The following TMTC2 variants were observed in gnomAD, a reference collection of about 807,000 sequenced individuals.
The protein encoded by TMTC2 is protein O-mannosyl-transferase TMTC2.
TMTC2 carries 43 observed loss-of-function variants against 82.4 expected under a neutral mutation model. That is an observed-to-expected ratio of 0.52 (90% CI 0.41 to 0.67). TMTC2 has a LOEUF of 0.67. TMTC2 is among the 30% of genes least tolerant of loss of function. The pLI is 0.00. For synonymous variants in TMTC2, 408 were observed against 381.9 expected, an observed-to-expected ratio of 1.07 and a Z score of -0.80; for missense variants, 919 against 1,012.4, an observed-to-expected ratio of 0.91 and a Z score of 1.25.
At chr12:82,986,507 A>G (rs1274358487) in intron 8 of TMTC2, 2 of 155,702 alleles carry the variant, frequency 1.3e-5, no homozygotes, top group African/African-American at 4.8e-5. Context: ...TTACATAATG[A>G]ATTTGTTCTA....
At chr12:83,094,223 G>T (rs1883945416) in intron 11 of TMTC2, among the ~76,000 whole-genome samples, 1 of 152,242 alleles carries the variant, frequency 6.6e-6, no homozygotes, top group South Asian at 2.1e-4. Flanking sequence ...AGTTGAGAAG[G>T]TTGAAAAGGC....
chr12:82,729,741 T>G (rs1874669345), intron 1 of TMTC2, among the ~76,000 whole-genome samples: 2 of 152,220 alleles, frequency 1.3e-5, no homozygotes, highest in Admixed American at 1.3e-4. Context: ...AAGCTAGCAG[T>G]GGCAACCCGC....
intron 8 of TMTC2, among the ~76,000 whole-genome samples, chr12:82,992,245 T>C (rs1052650243): frequency 6.6e-6 from 1 of 152,204 alleles, no homozygotes; most frequent in Non-Finnish European, 1.5e-5. Flanking sequence ...TTTGCTATTA[T>C]TATTTAGAGC....
chr12:82,829,946 ATAT>A (rs1869659608), intron 1 of TMTC2, among the ~76,000 whole-genome samples: 1 of 152,168 alleles, frequency 6.6e-6, no homozygotes, highest in Non-Finnish European at 1.5e-5. Context: ...TGGAGGTTTG[ATAT>A]TATGGGAAAT....
In TMTC2 at chr12:83,067,099, G is replaced by A. The variant is rs1444361271; in HGVS notation, c.2331+5268G>A. Among the ~76,000 whole-genome samples the A allele has an allele frequency of 2.0e-5, 3 of 151,880 alleles. No individual in the cohort carries two copies. In the East Asian group the frequency reaches 5.8e-4, roughly 29 times the overall value. ...TACATTTTAAATTTCGAATAAGGAA[G>A]GCAGCCAAGACAGTGACAGGGCATA... On this transcript the variant is annotated intron_variant, in intron 11 of 11. Transcript: ENST00000321196.
chr12:82,868,890 C>T (rs1353759810), intron 2 of TMTC2, among the ~76,000 whole-genome samples: 10 of 151,942 alleles, frequency 6.6e-5, no homozygotes, highest in Middle Eastern at 3.2e-3. Context: ...CCTCCTGGAG[C>T]GACAACAGGA....
chr12:83,091,039 A>G (rs960383763), intron 11 of TMTC2, among the ~76,000 whole-genome samples: 44 of 152,196 alleles, frequency 2.9e-4, no homozygotes, highest in South Asian at 6.2e-4. Flanking sequence ...TGGTTTGTTA[A>G]TCACTGCAAC....
chr12:83,064,700 T>C (rs1882857073), intron 11 of TMTC2, among the ~76,000 whole-genome samples: 1 of 151,846 alleles, frequency 6.6e-6, no homozygotes, highest in East Asian at 1.9e-4. Context: ...TCAGACAAGA[T>C]AGTAATATAA....
At chr12:83,039,033 G>A (rs903023534) in intron 9 of TMTC2, among the ~76,000 whole-genome samples, 1 of 147,594 alleles carries the variant, frequency 6.8e-6, no homozygotes, top group Non-Finnish European at 1.5e-5. Context: ...CCGGGTTCAA[G>A]CGATTCTCCA....
chr12:82,837,454 A>C (rs746231204), intron 1 of TMTC2, among the ~76,000 whole-genome samples: 4 of 151,978 alleles, frequency 2.6e-5, no homozygotes, highest in Non-Finnish European at 4.4e-5. Flanking sequence ...AAAACAAAAC[A>C]AAAAAAAGGT....
intron 1 of TMTC2, among the ~76,000 whole-genome samples, chr12:82,844,952 G>A (rs942002244): frequency 6.6e-6 from 1 of 151,700 alleles, no homozygotes. Flanking sequence ...AAGGGGCCGG[G>A]TGCGGTGGCT....
chr12:83,026,060 TCTC>T (rs1270629616), intron 8 of TMTC2, among the ~76,000 whole-genome samples: 1 of 152,120 alleles, frequency 6.6e-6, no homozygotes, highest in Non-Finnish European at 1.5e-5. Flanking sequence ...CTCCATCCCT[TCTC>T]CTCTTCCCGG....
chr12:83,089,840 CAA>C (rs1381824863), intron 11 of TMTC2, among the ~76,000 whole-genome samples: 1 of 141,126 alleles, frequency 7.1e-6, no homozygotes, highest in African/African-American at 2.7e-5. Context: ...AAACAAAAAA[CAA>C]AAAACAAAAA....
chr12:83,011,245 C>T (rs990892694), intron 8 of TMTC2, among the ~76,000 whole-genome samples: 2 of 152,186 alleles, frequency 1.3e-5, no homozygotes, highest in Non-Finnish European at 2.9e-5. Flanking sequence ...AGGGTGGCTG[C>T]ACTTATATGA....
chr12:82,750,730 A>G (rs1444857593), intron 1 of TMTC2, among the ~76,000 whole-genome samples: 1 of 152,090 alleles, frequency 6.6e-6, no homozygotes, highest in Non-Finnish European at 1.5e-5. Flanking sequence ...TTATTTTTCT[A>G]ATTCCTCCCC....
In TMTC2 at chr12:82,713,511, A is replaced by G. The variant is rs527506243; in HGVS notation, c.83+25842A>G. Among the ~76,000 whole-genome samples, 12 of 152,308 alleles carry G rather than the reference A, an allele frequency of 7.9e-5. No homozygotes were observed. The South Asian group carries it at 2.3e-3, about 29-fold the overall frequency. ...GGGGAAGCCTCACAATCATGGCAGA[A>G]GGCAAGGAGGAACAAGTCACGTCTT... On this transcript the variant is annotated intron_variant, in intron 1 of 11. Transcript: ENST00000321196.
At chr12:82,953,540 T>C (rs916011402) in intron 4 of TMTC2, among the ~76,000 whole-genome samples, 1 of 152,208 alleles carries the variant, frequency 6.6e-6, no homozygotes, top group Non-Finnish European at 1.5e-5. Context: ...TGTTGAATGA[T>C]AGAGATTAAA....
intron 1 of TMTC2, among the ~76,000 whole-genome samples, chr12:82,798,880 T>C (rs11115432): frequency 0.35 from 51,818 of 150,142 alleles, 9,122 homozygotes; most frequent in Middle Eastern, 0.55. Context: ...CAGAGGTAAA[T>C]GAAAATATAC....
chr12:83,068,915 G>A (rs992974163), intron 11 of TMTC2, among the ~76,000 whole-genome samples: 17 of 151,868 alleles, frequency 1.1e-4, no homozygotes, highest in South Asian at 4.2e-4. Flanking sequence ...ATGCCTTTGC[G>A]TCCTCATAAC....
Sources: allele counts gnomAD v4.1 joint callset (sites outside exome capture counted in the v4.1 genomes callset), GRCh38; gene constraint gnomAD v4.1.1; transcripts MANE v1.5; gene names NCBI Gene and HGNC (gene_info 2026-07-23, HGNC 2026-07-21).